The following MYRFL variants were observed in gnomAD, a reference collection of about 807,000 sequenced individuals.
MYRFL encodes myelin regulatory factor-like protein.
In MYRFL, 88 loss-of-function variants were observed where a neutral mutation model predicts 109.4. The ratio of observed to expected loss-of-function variants is 0.80; its 90% CI spans 0.68 to 0.96. The LOEUF is 0.96. Among genes scored for constraint, MYRFL ranks in the 40% least tolerant of loss-of-function variants. The pLI is 0.00. For missense variants in MYRFL, 957 were observed against 954.9 expected (o/e 1.00, Z -0.03); for synonymous variants, 324 against 320.9 (o/e 1.01, Z -0.10).
rs1037980063 is a variant in MYRFL, at chr12:69,903,639, T to C, written c.1183-5T>C. The C allele has an allele frequency of 1.8e-5, 27 of 1,535,590 alleles. No individual in the cohort carries two copies. In the African/African-American group the frequency reaches 3.3e-4, roughly 19 times the overall value. ...TAATTGTAATATATTTATGTATTTTTCCAGGCCTCTAACCCTGGGCAGTTT... is the reference window on the plus strand; with the variant it reads ...TAATTGTAATATATTTATGTATTTTCCCAGGCCTCTAACCCTGGGCAGTTT... On this transcript the variant is annotated splice_polypyrimidine_tract_variant and splice_region_variant and intron_variant, in intron 10 of 24. Coordinates refer to ENST00000552032, the MANE Select transcript of MYRFL (RefSeq NM_182530.3).
chr12:69,833,023 A>G (rs1882730266), intron 1 of MYRFL, among the ~76,000 whole-genome samples: 1 of 150,754 alleles, frequency 6.6e-6, no homozygotes, highest in South Asian at 2.1e-4. Context: ...TACGTTTGAG[A>G]TCTCTTTTAG....
intron 23 of MYRFL, 37 bp from the exon 24 acceptor site, chr12:69,958,212 C>T (rs551165953): frequency 7.9e-5 from 116 of 1,471,218 alleles, no homozygotes; most frequent in South Asian, 1.7e-4. Context: ...CTGTCAAATG[C>T]GTGTACGAAA....
At chr12:69,857,080 C>A (rs1884338528) in intron 2 of MYRFL, among the ~76,000 whole-genome samples, 1 of 151,554 alleles carries the variant, frequency 6.6e-6, no homozygotes, top group Non-Finnish European at 1.5e-5. Flanking sequence ...ATATTAGTTT[C>A]TTTGTATGTG....
intron 2 of MYRFL, among the ~76,000 whole-genome samples, chr12:69,873,794 A>T (rs1885496179): frequency 6.6e-6 from 1 of 152,154 alleles, no homozygotes; most frequent in African/African-American, 2.4e-5. Flanking sequence ...ACCATGGATA[A>T]GGGAGGACTA....
chr12:69,903,753 C>T lies in MYRFL; in HGVS notation c.1292C>T (p.Pro431Leu), dbSNP rs1427934641. 7.2e-6 allele frequency: 11 copies of T among 1,535,582 alleles called. No individual in the cohort carries two copies. The highest frequency in any genetic ancestry group is 1.7e-4 in the Middle Eastern group (1 of 6,006). Residue 431 changes from proline to leucine, a missense_variant, in exon 11 of 25, where the codon CCG (proline) becomes CTG (leucine). Physicochemically the swap from Pro to Leu is moderately conservative, Grantham distance 98. Coordinates refer to ENST00000552032, the MANE Select transcript of MYRFL (RefSeq NM_182530.3). Reference protein sequence around the residue: ...HGRVGINTDAPDEALVVCGNM... With the variant: ...HGRVGINTDALDEALVVCGNM... ...CGAGTAGGAATCAACACAGATGCGCCGGACGAAGCCCTGGTTGTCTGTGGC... is the reference window on the plus strand; with the variant it reads ...CGAGTAGGAATCAACACAGATGCGCTGGACGAAGCCCTGGTTGTCTGTGGC...
At chr12:69,941,866 C>T (rs1955658390) in intron 19 of MYRFL, among the ~76,000 whole-genome samples, 1 of 150,428 alleles carries the variant, frequency 6.6e-6, no homozygotes, top group African/African-American at 2.4e-5. Context: ...ACCACCGATC[C>T]CACAGAAATA....
intron 11 of MYRFL, among the ~76,000 whole-genome samples, chr12:69,907,908 CA>C (rs1455719395): frequency 6.6e-6 from 1 of 152,176 alleles, no homozygotes; most frequent in Non-Finnish European, 1.5e-5. Flanking sequence ...GATATATGCA[CA>C]GGGCTATATG....
chr12:69,856,494 T>C (rs544002713), intron 2 of MYRFL, among the ~76,000 whole-genome samples: 35 of 152,234 alleles, frequency 2.3e-4, no homozygotes, highest in Admixed American at 8.5e-4. Context: ...AGAGTGGTGG[T>C]ACCACTTTGT....
intron 7 of MYRFL, among the ~76,000 whole-genome samples, chr12:69,891,678 T>TTTCTTTCTTTCTTTCTTTCTTTCTTTCG (rs1555249414): frequency 1.8e-5 from 2 of 112,436 alleles, no homozygotes; most frequent in African/African-American, 8.2e-5. Context: ...TCTTTCTTTC[T>TTTCTTTCTTTCTTTCTTTCTTTCTTTCG]TTCTTTCGTT....
In MYRFL at chr12:69,891,682, TTTCG is replaced by T. The variant is rs147744686; in HGVS notation, c.903+528_903+531del. Among the ~76,000 whole-genome samples the T allele has an allele frequency of 9.1e-3, 922 of 101,382 alleles. 68 individuals carry two copies. The highest frequency in any genetic ancestry group is 0.018 in the South Asian group (46 of 2,588). The allele number at this position is 101,382 out of a possible 152,430, so 66.5% of individuals were successfully genotyped here. A position where few individuals can be genotyped will look rare whatever the true frequency, so the allele number is the denominator to read the frequency against. On this transcript the variant is annotated intron_variant, in intron 7 of 24. Transcript: ENST00000552032. ...CTTTCTTTCTTTCTTTCTTTCTTTC[TTTCG>T]TTCGTTCGTTCTTTCTTTCTTTTTT...
At chr12:69,952,281 C>A in intron 20 of MYRFL, 106 bp downstream of exon 20, 1 of 985,602 alleles carries the variant, frequency 1.0e-6, no homozygotes, top group Non-Finnish European at 1.5e-6. Flanking sequence ...AAGGCTGCAG[C>A]CTGCCTGCCA....
At chr12:69,893,615 A>G (rs1343663044) in intron 7 of MYRFL, 149 bp from the exon 8 acceptor site, 3 of 323,232 alleles carry the variant, frequency 9.3e-6, no homozygotes, top group African/African-American at 2.2e-5. Context: ...GGTAGGGACT[A>G]TTGTCTTATG....
intron 13 of MYRFL, among the ~76,000 whole-genome samples, chr12:69,922,249 C>T (rs1954935385): frequency 6.6e-6 from 1 of 151,982 alleles, no homozygotes; most frequent in Non-Finnish European, 1.5e-5. Context: ...AGGCTCTCTA[C>T]AGGGTAAACA....
chr12:69,825,628 C>A, intron 1 of MYRFL, 65 bp downstream of exon 1: 1 of 685,628 alleles, frequency 1.5e-6, no homozygotes, highest in Non-Finnish European at 2.6e-6. Flanking sequence ...CCTGTTTCAC[C>A]TTTTCCGTAT....
At chr12:69,910,982 C>A in intron 13 of MYRFL, 52 bp downstream of exon 13, 3 of 1,312,680 alleles carry the variant, frequency 2.3e-6, no homozygotes, top group East Asian at 2.6e-5. Flanking sequence ...TAGGGATAAA[C>A]CCCCTTCTGT....
intron 1 of MYRFL, among the ~76,000 whole-genome samples, chr12:69,848,900 C>A (rs971146028): frequency 2.0e-5 from 3 of 152,170 alleles, no homozygotes; most frequent in Non-Finnish European, 2.9e-5. Flanking sequence ...TGAGACAGAT[C>A]TTGCTCTGTC....
intron 2 of MYRFL, among the ~76,000 whole-genome samples, chr12:69,877,765 A>G (rs1361081226): frequency 3.9e-5 from 6 of 152,218 alleles, no homozygotes; most frequent in African/African-American, 1.4e-4. Context: ...TTTTCATCGT[A>G]TTATGTTGGA....
Position 69,880,194 on chromosome 12 carries a change from ATT to A in MYRFL, c.465-4_465-3del. On this transcript the variant is annotated splice_region_variant and splice_polypyrimidine_tract_variant and intron_variant, in intron 4 of 24. Coordinates refer to ENST00000552032, the MANE Select transcript of MYRFL (RefSeq NM_182530.3). ...TCCTAACCTTCGTTTTGGTGTCTTG[ATT>A]TTAGAGCCTCATTGCCTCCAACCAA... is the stretch of plus-strand genomic sequence containing the variant. 1.4e-6 allele frequency: 1 copy of A among 702,408 alleles called. No homozygotes were observed. 43.5% of individuals were successfully genotyped at this position (702,408 alleles called of 1,614,324 possible). A position where few individuals can be genotyped will look rare whatever the true frequency, so the allele number is the denominator to read the frequency against.
intron 13 of MYRFL, among the ~76,000 whole-genome samples, chr12:69,915,748 A>T (rs1954710542): frequency 6.6e-6 from 1 of 152,120 alleles, no homozygotes; most frequent in Non-Finnish European, 1.5e-5. Flanking sequence ...GGGGACCTGT[A>T]GGCTGTAGAC....
Sources: gnomAD v4.1 joint callset for allele counts (sites outside exome capture counted in the v4.1 genomes callset) on GRCh38, gnomAD v4.1.1 for gene constraint, MANE v1.5 for transcripts, NCBI Gene and HGNC (gene_info 2026-07-23, HGNC 2026-07-21) for gene names.